The following NCKAP5 variants were observed in gnomAD, a reference collection of about 807,000 sequenced individuals.
NCKAP5 encodes the protein NCK associated protein 5, also known as nck-associated protein 5.
NCKAP5 carries 92 observed loss-of-function variants against 167.0 expected under a neutral mutation model. The observed-to-expected ratio is 0.55, with a 90% CI of 0.47 to 0.66. The LOEUF (loss-of-function observed/expected upper bound fraction) is 0.66, where lower values mean the gene tolerates loss of function less well. NCKAP5 is among the 30% of genes least tolerant of loss of function. The pLI, the probability that NCKAP5 is intolerant of heterozygous loss-of-function variation, is 0.00. For synonymous variants in NCKAP5, 891 were observed against 877.4 expected, an observed-to-expected ratio of 1.02 and a Z score of -0.27; for missense variants, 2,378 against 2,315.0, an observed-to-expected ratio of 1.03 and a Z score of -0.56.
At chr2:133,446,624 G>A (rs982848185) in intron 3 of NCKAP5, among the ~76,000 whole-genome samples, 26 of 152,126 alleles carry the variant, frequency 1.7e-4, no homozygotes, top group East Asian at 3.9e-4. Flanking sequence ...CTCTGCTGCC[G>A]CTCTATCATG....
At chr2:133,589,709 T>C in the NCKAP5 span, among the ~76,000 whole-genome samples, 180 of 152,296 alleles carry the variant, frequency 1.2e-3, no homozygotes, top group Non-Finnish European at 2.1e-3. Context: ...TTTATATGGA[T>C]GTAGGGAGCC....
intron 3 of NCKAP5, among the ~76,000 whole-genome samples, chr2:133,397,349 A>G (rs915573009): frequency 6.6e-6 from 1 of 152,212 alleles, no homozygotes. Context: ...ATGGAAGAAC[A>G]ATGTATTCAA....
At chr2:132,910,225 C>A (rs1173255203) in intron 8 of NCKAP5, among the ~76,000 whole-genome samples, 2 of 152,040 alleles carry the variant, frequency 1.3e-5, no homozygotes, top group Non-Finnish European at 2.9e-5. Flanking sequence ...GGTACCCATA[C>A]CCTCAAGCAT....
intron 11 of NCKAP5, among the ~76,000 whole-genome samples, chr2:132,846,128 A>T (rs1213701257): frequency 6.6e-6 from 1 of 152,108 alleles, no homozygotes; most frequent in Admixed American, 6.5e-5. Context: ...TTCTAATATC[A>T]GCGTACCTTG....
chr2:133,205,541 A>G (rs907436884), intron 5 of NCKAP5, among the ~76,000 whole-genome samples: 5 of 152,128 alleles, frequency 3.3e-5, no homozygotes, highest in Admixed American at 6.5e-5. Flanking sequence ...ATAAATCTTC[A>G]AGTGTAGTGG....
chr2:133,350,757 A>C (rs907127818), intron 3 of NCKAP5, among the ~76,000 whole-genome samples: 1 of 151,982 alleles, frequency 6.6e-6, no homozygotes, highest in Non-Finnish European at 1.5e-5. Context: ...TCTCGGTCTG[A>C]GCCCCTGTGA....
chr2:133,529,125 TATGAG>T (rs1359864350), intron 2 of NCKAP5, among the ~76,000 whole-genome samples: 1 of 152,210 alleles, frequency 6.6e-6, no homozygotes, highest in Non-Finnish European at 1.5e-5. Flanking sequence ...TTGGCCAATC[TATGAG>T]ATAATTTTTT....
At chr2:132,817,091 G>A (rs750747767) in intron 11 of NCKAP5, among the ~76,000 whole-genome samples, 5 of 152,010 alleles carry the variant, frequency 3.3e-5, no homozygotes, top group East Asian at 1.9e-4. Flanking sequence ...TGATTTTACC[G>A]AGGACCAAGA....
chr2:132,797,833 G>A (rs1684725318), intron 11 of NCKAP5, among the ~76,000 whole-genome samples: 1 of 152,162 alleles, frequency 6.6e-6, no homozygotes, highest in African/African-American at 2.4e-5. Flanking sequence ...CACATTCTCT[G>A]TGTTCCCCAT....
intron 19 of NCKAP5, among the ~76,000 whole-genome samples, chr2:132,711,661 A>G (rs1688854903): frequency 6.6e-6 from 1 of 152,166 alleles, no homozygotes; most frequent in East Asian, 1.9e-4. Flanking sequence ...TTTATCCATA[A>G]TCCATAAATA....
Position 133,292,640 on chromosome 2 carries a change from C to T in NCKAP5, c.143+10397G>A, listed in dbSNP as rs573776304. Reference sequence around the variant, plus strand: ...AAATTTCTCTGGGTGACCCCCAAATCGTATTGATGTTGGGATATTTTTTGG... The same window carrying T: ...AAATTTCTCTGGGTGACCCCCAAATTGTATTGATGTTGGGATATTTTTTGG... On this transcript the variant is annotated intron_variant, in intron 4 of 19. Transcript: ENST00000409261. Among the ~76,000 whole-genome samples, 5 of 152,238 alleles carry T rather than the reference C, an allele frequency of 3.3e-5. No homozygotes were observed. The South Asian group carries it at 6.2e-4, about 19-fold the overall frequency.
At chr2:133,653,382 G>GA in the NCKAP5 span, among the ~76,000 whole-genome samples, 4 of 151,990 alleles carry the variant, frequency 2.6e-5, no homozygotes, top group Admixed American at 2.0e-4. Context: ...TTCTTCAAAA[G>GA]AAAAAAGAAT....
chr2:133,627,127 A>T, the NCKAP5 span, among the ~76,000 whole-genome samples: 2 of 152,098 alleles, frequency 1.3e-5, no homozygotes, highest in Non-Finnish European at 2.9e-5. Context: ...TGTATCTTTA[A>T]AAACAAAAAG....
rs570989226 is a variant in NCKAP5, at chr2:133,265,393, T to C, written c.143+37644A>G. Among the ~76,000 whole-genome samples the C allele has an allele frequency of 2.2e-4, 34 of 151,946 alleles. 1 individual carries two copies. The highest frequency in any genetic ancestry group is 3.5e-4 in the Non-Finnish European group (24 of 67,986). ...ACAGCCCTTTTTCTCTAAGGGGTAGTGTAGGGTGGGGTGGGGCCAAAAGGA... is the reference window on the plus strand; with the variant it reads ...ACAGCCCTTTTTCTCTAAGGGGTAGCGTAGGGTGGGGTGGGGCCAAAAGGA... On this transcript the variant is annotated intron_variant, in intron 4 of 19. Transcript: ENST00000409261.
chr2:133,416,858 C>A (rs577856914), intron 3 of NCKAP5, among the ~76,000 whole-genome samples: 101 of 152,252 alleles, frequency 6.6e-4, no homozygotes, highest in African/African-American at 2.3e-3. Flanking sequence ...AAGCAACATG[C>A]AACTTCCTCG....
intron 10 of NCKAP5, among the ~76,000 whole-genome samples, chr2:132,865,331 G>T (rs900054045): frequency 1.3e-5 from 2 of 152,066 alleles, no homozygotes; most frequent in African/African-American, 4.8e-5. Flanking sequence ...TATAATGAGG[G>T]CAATGGCTAA....
intron 3 of NCKAP5, among the ~76,000 whole-genome samples, chr2:133,397,858 C>T (rs113846953): frequency 1.3e-5 from 2 of 152,120 alleles, no homozygotes; most frequent in Admixed American, 6.6e-5. Context: ...ATATGTAATT[C>T]CCCCCAAGAG....
At chr2:132,776,706 T>C (rs1217604188) in intron 15 of NCKAP5, among the ~76,000 whole-genome samples, 4 of 152,184 alleles carry the variant, frequency 2.6e-5, no homozygotes, top group African/African-American at 4.8e-5. Flanking sequence ...TTAAAAAAAA[T>C]CCATTTGCCT....
chr2:133,070,051 G>A (rs2149548102), intron 6 of NCKAP5, among the ~76,000 whole-genome samples: 1 of 152,162 alleles, frequency 6.6e-6, no homozygotes, highest in South Asian at 2.1e-4. Flanking sequence ...ATATATGGTG[G>A]TAATCAAAAC....
Sources: gnomAD v4.1 joint callset for allele counts (sites outside exome capture counted in the v4.1 genomes callset) on GRCh38, gnomAD v4.1.1 for gene constraint, MANE v1.5 for transcripts, NCBI Gene and HGNC (gene_info 2026-07-23, HGNC 2026-07-21) for gene names.